The following BRWD3 variants were observed in gnomAD, a reference collection of about 807,000 sequenced individuals.
BRWD3 encodes bromodomain and WD repeat domain containing 3.
A neutral mutation model predicts 149.7 loss-of-function variants in BRWD3; 10 were observed. The observed-to-expected ratio is 0.07, with a 90% CI of 0.04 to 0.11. The LOEUF (loss-of-function observed/expected upper bound fraction) is 0.11, where lower values mean the gene tolerates loss of function less well. Ranked by LOEUF, BRWD3 falls within the 10% of genes least tolerant of loss-of-function variation. The pLI, the probability that BRWD3 is intolerant of heterozygous loss-of-function variation, is 1.00. For synonymous variants in BRWD3, 504 were observed against 456.7 expected (o/e 1.10, Z -1.32); for missense variants, 940 against 1,373.2 (o/e 0.68, Z 4.99).
At position 80,682,269 on chromosome X, in the gene BRWD3, A is replaced by T. The variant is rs749057155; in HGVS notation, c.4398-175T>A. Among the ~76,000 whole-genome samples the T allele has an allele frequency of 7.2e-5, 8 of 111,819 alleles. No individual in the cohort carries two copies. In the East Asian group the frequency reaches 2.2e-3, roughly 31 times the overall value. The stretch of plus-strand genomic sequence containing the variant: ...AGTGAAACTTCAATCATTAAAATTT[A>T]AAAAAAGTTTCTGGGATAGTAAAAC... On this transcript the variant is annotated intron_variant, in intron 38 of 40. Coordinates refer to ENST00000373275, the MANE Select transcript of BRWD3 (RefSeq NM_153252.5).
chrX:80,717,719 G>A lies in BRWD3; in HGVS notation c.2085C>T (p.Asn695=). The change falls in exon 19 of 41, where the codon AAC becomes AAT. Residue 695 remains asparagine (N), a synonymous_variant. Transcript: ENST00000373275. ...GACTACTATGTCTTCGAAGCCTGAT[G>A]TTTGGGGAAGAAGATATGTCCATGT... ...SPNMDISSSP[N]IRLRRHSSQI... 1 of 1,211,237 alleles carries A rather than the reference G, an allele frequency of 8.3e-7. No homozygotes were observed. Among genetic ancestry groups the A allele is most frequent in the Non-Finnish European group, 1.1e-6 (1 of 895,092 alleles).
intron 6 of BRWD3, among the ~76,000 whole-genome samples, chrX:80,747,990 T>A (rs140516738): frequency 9.0e-6 from 1 of 111,285 alleles, no homozygotes; most frequent in Non-Finnish European, 1.9e-5. Context: ...CTGTGCTACA[T>A]TGAATATAAG....
intron 33 of BRWD3, 62 bp from the exon 34 acceptor site, chrX:80,688,187 A>G: frequency 3.4e-6 from 3 of 885,638 alleles, no homozygotes; most frequent in South Asian, 2.0e-5. Flanking sequence ...TATAAATTAG[A>G]TGGACATTTA....
At position 80,688,076 on chromosome X, in the gene BRWD3, C is replaced by T; in HGVS notation, c.3857G>A (p.Gly1286Glu). The T allele has an allele frequency of 8.3e-7, 1 of 1,198,897 alleles. No homozygotes were observed. The highest frequency in any genetic ancestry group is 3.0e-5 in the East Asian group (1 of 33,777). ...LDSDGPGTSSGRKVKCRGRRQ... is the reference protein window; with the variant it reads ...LDSDGPGTSSERKVKCRGRRQ... Reference sequence around the variant, plus strand: ...GTTCACTTATTTACTCACCTTTCTTCCAGATGAAGTACCAGGACCGTCTGA... The same window carrying T: ...GTTCACTTATTTACTCACCTTTCTTTCAGATGAAGTACCAGGACCGTCTGA... The change falls in exon 34 of 41, where the codon GGA becomes GAA. Residue 1286 changes from glycine to glutamate, a missense_variant. Gly to Glu is a moderately conservative substitution (Grantham distance 98). Around this residue, in one of 6 missense-constraint regions of BRWD3, gnomAD observed 349 missense variants for 419.6 expected, o/e 0.83. Coordinates refer to ENST00000373275, the MANE Select transcript of BRWD3 (RefSeq NM_153252.5).
At chrX:80,713,050 C>A (rs1225617518) in intron 20 of BRWD3, among the ~76,000 whole-genome samples, 15 of 109,083 alleles carry the variant, frequency 1.4e-4, no homozygotes, top group African/African-American at 5.0e-4. Context: ...GCCAGCTGCC[C>A]CGTCTGGGAG....
chrX:80,715,113 T>C (rs1217951521), intron 20 of BRWD3, among the ~76,000 whole-genome samples: 1 of 110,527 alleles, frequency 9.0e-6, no homozygotes, highest in African/African-American at 3.3e-5. Flanking sequence ...CAGACCTAAG[T>C]ACCCTGTCCA....
intron 6 of BRWD3, among the ~76,000 whole-genome samples, chrX:80,748,938 C>T (rs1417045000): frequency 1.8e-5 from 2 of 111,563 alleles, no homozygotes; most frequent in Non-Finnish European, 3.8e-5. Context: ...CCTCAGTTTC[C>T]CTTTTAATTT....
intron 8 of BRWD3, among the ~76,000 whole-genome samples, chrX:80,741,389 G>C (rs759390344): frequency 9.0e-6 from 1 of 111,657 alleles, no homozygotes; most frequent in Non-Finnish European, 1.9e-5. Context: ...TGTGTCTTTA[G>C]AGCAGCATGA....
intron 4 of BRWD3, among the ~76,000 whole-genome samples, chrX:80,796,868 G>A (rs764949045): frequency 4.5e-5 from 5 of 111,312 alleles, no homozygotes; most frequent in South Asian, 7.6e-4. Flanking sequence ...TGCAGCTGAT[G>A]ATTCAATCTA....
chrX:80,709,755 T>C (rs2072931186), intron 20 of BRWD3, among the ~76,000 whole-genome samples, 178 bp from the exon 21 acceptor site: 1 of 111,938 alleles, frequency 8.9e-6, no homozygotes, highest in Non-Finnish European at 1.9e-5. Flanking sequence ...TCCACTAATA[T>C]TGATCACTCT....
Position 80,670,948 on chromosome X carries a change from T to C in BRWD3, c.*5661A>G, listed in dbSNP as rs1259355200. The C allele has an allele frequency of 9.0e-6, 1 of 111,190 alleles. No individual in the cohort carries two copies. Among genetic ancestry groups the C allele is most frequent in the Non-Finnish European group, 1.9e-5 (1 of 53,070 alleles). The allele number at this position is 111,190 out of a possible 1,213,427, so 9.2% of individuals were successfully genotyped here. ...GTCCAGTCTTTGGCCAGCTTATTTA[T>C]CTTGAACCTAGTGGAATGTTTGCCA... On this transcript the variant is annotated 3_prime_UTR_variant, in exon 41 of 41. Coordinates refer to ENST00000373275, the MANE Select transcript of BRWD3 (RefSeq NM_153252.5).
intron 8 of BRWD3, among the ~76,000 whole-genome samples, chrX:80,740,434 C>A (rs760551865): frequency 8.9e-6 from 1 of 112,231 alleles, no homozygotes; most frequent in African/African-American, 3.2e-5. Flanking sequence ...AAGAAGCCAA[C>A]GTATTCCACA....
intron 6 of BRWD3, among the ~76,000 whole-genome samples, chrX:80,752,216 G>A (rs1248752939): frequency 9.2e-6 from 1 of 109,141 alleles, no homozygotes; most frequent in Admixed American, 9.9e-5. Context: ...GTCTCTCTAT[G>A]TTGCCCAGGC....
chrX:80,745,148 T>C (rs1484859295), intron 7 of BRWD3, among the ~76,000 whole-genome samples: 3 of 111,433 alleles, frequency 2.7e-5, no homozygotes. Flanking sequence ...AAAATAGCTA[T>C]AATCTTCATC....
intron 6 of BRWD3, among the ~76,000 whole-genome samples, chrX:80,761,098 A>G (rs757013323): frequency 1.8e-5 from 2 of 111,506 alleles, no homozygotes; most frequent in South Asian, 7.5e-4. Flanking sequence ...AACTGGTGAT[A>G]AACCAAAGAA....
At position 80,804,538 on chromosome X, in the gene BRWD3, C is replaced by G. The variant is rs781046549; in HGVS notation, c.180+4001G>C. On this transcript the variant is annotated intron_variant, in intron 4 of 40. Coordinates refer to ENST00000373275, the MANE Select transcript of BRWD3 (RefSeq NM_153252.5). The stretch of plus-strand genomic sequence containing the variant: ...CAGGCATGAGCCACCACACCAGGCC[C>G]TGGTTCAGTCTTATGATACGAGACT... Among the ~76,000 whole-genome samples, 40 of 111,680 alleles carry G rather than the reference C, an allele frequency of 3.6e-4. No individual in the cohort carries two copies. The Admixed American group carries it at 3.7e-3, about 10-fold the overall frequency.
At chrX:80,721,672 C>T (rs2073151344) in intron 17 of BRWD3, among the ~76,000 whole-genome samples, 1 of 111,407 alleles carries the variant, frequency 9.0e-6, no homozygotes, top group Non-Finnish European at 1.9e-5. Flanking sequence ...ATAGCTTATT[C>T]CAATGTTTTA....
intron 17 of BRWD3, among the ~76,000 whole-genome samples, chrX:80,721,252 A>G (rs2073146047): frequency 8.9e-6 from 1 of 112,067 alleles, no homozygotes; most frequent in Non-Finnish European, 1.9e-5. Context: ...TAACCAAGTG[A>G]TCAGATCTTA....
chrX:80,798,988 C>T (rs912494001), intron 4 of BRWD3, among the ~76,000 whole-genome samples: 11 of 111,974 alleles, frequency 9.8e-5, no homozygotes, highest in African/African-American at 2.9e-4. Flanking sequence ...ACTCCTCTTT[C>T]TACTACTGTC....
Sources: gnomAD v4.1 joint callset for allele counts (sites outside exome capture counted in the v4.1 genomes callset) on GRCh38, gnomAD v4.1.1 for gene constraint, gnomAD v4.1.1 regional missense constraint, MANE v1.5 for transcripts, NCBI Gene and HGNC (gene_info 2026-07-23, HGNC 2026-07-21) for gene names.